The following TATDN2 variants were observed in gnomAD, a reference collection of about 807,000 sequenced individuals.
TATDN2 encodes the protein 3'-5' RNA nuclease TATDN2.
Under a neutral mutation model 60.3 loss-of-function variants are expected in TATDN2, and 44 were observed. The observed-to-expected ratio is 0.73, with a 90% CI of 0.57 to 0.94. The LOEUF (loss-of-function observed/expected upper bound fraction) is 0.94, where lower values mean the gene tolerates loss of function less well. Among genes scored for constraint, TATDN2 ranks in the 40% least tolerant of loss-of-function variants. TATDN2 has a pLI of 0.00. For missense variants in TATDN2, 997 were observed against 948.0 expected, an observed-to-expected ratio of 1.05 and a Z score of -0.68; for synonymous variants, 399 against 355.8, an observed-to-expected ratio of 1.12 and a Z score of -1.37.
Position 10,270,505 on chromosome 3 carries a change from G to T in TATDN2, c.1323G>T (p.Trp441Cys). 6.2e-7 allele frequency: 1 copy of T among 1,614,212 alleles called. No individual in the cohort carries two copies. Among genetic ancestry groups the T allele is most frequent in the Non-Finnish European group, 8.5e-7 (1 of 1,180,028 alleles). The change falls in exon 4 of 8, where the codon TGG (tryptophan) becomes TGT (cysteine). Residue 441 changes from tryptophan to cysteine, a missense_variant. By Grantham distance (215) the Trp-to-Cys change is radical (BLOSUM62 -2). Coordinates refer to ENST00000448281, the MANE Select transcript of TATDN2 (RefSeq NM_014760.4). ...SRDMEASEEGWSQNSRSFRFS... is the reference protein window; with the variant it reads ...SRDMEASEEGCSQNSRSFRFS... ...ACATGGAGGCCTCAGAGGAAGGCTG[G>T]TCCCAGAATTCTCGTTCATTTCGCT...
chr3:10,248,972 C>T lies in TATDN2; in HGVS notation c.-102C>T. 2.2e-6 allele frequency: 1 copy of T among 446,270 alleles called. No individual in the cohort carries two copies. Among genetic ancestry groups the T allele is most frequent in the Non-Finnish European group, 3.7e-6 (1 of 266,710 alleles). 27.6% of individuals were successfully genotyped at this position (446,270 alleles called of 1,614,324 possible). ...TGTGGGCTTGGAAACCGACGGCAGC[C>T]TTTAGTCAATTTTGGATCGCTTTGA... is the stretch of plus-strand genomic sequence containing the variant. On this transcript the variant is annotated 5_prime_UTR_variant, in exon 1 of 8. Coordinates refer to ENST00000448281, the MANE Select transcript of TATDN2 (RefSeq NM_014760.4).
At chr3:10,262,042 CATT>C (rs1698414132) in intron 3 of TATDN2, among the ~76,000 whole-genome samples, 1 of 152,230 alleles carries the variant, frequency 6.6e-6, no homozygotes, top group African/African-American at 2.4e-5. Flanking sequence ...TAAAGTTCAT[CATT>C]ACTTTGTTTT....
At chr3:10,276,835 C>A (rs1698645170) in intron 5 of TATDN2, among the ~76,000 whole-genome samples, 1 of 152,198 alleles carries the variant, frequency 6.6e-6, no homozygotes, top group South Asian at 2.1e-4. Context: ...GATCTGCCTG[C>A]CTCGGCCTCC....
intron 2 of TATDN2, among the ~76,000 whole-genome samples, chr3:10,254,279 G>A (rs756641414): frequency 1.1e-4 from 17 of 152,302 alleles, no homozygotes; most frequent in Middle Eastern, 3.4e-3. Flanking sequence ...GGGAATGAGC[G>A]ACTGACCATC....
chr3:10,260,866 CT>C (rs35507180), intron 3 of TATDN2, among the ~76,000 whole-genome samples, 196 bp downstream of exon 3: 63,845 of 145,734 alleles, frequency 0.44, 14,518 homozygotes, highest in East Asian at 0.95. Context: ...AAACTAAGTG[CT>C]TTTTTTTTTT....
Position 10,270,160 on chromosome 3 carries a change from C to T in TATDN2, c.978C>T (p.His326=). 1 of 1,613,678 alleles carries T rather than the reference C, an allele frequency of 6.2e-7. No homozygotes were observed. Residue 326 remains histidine (H), a synonymous_variant, in exon 4 of 8, where the codon CAC becomes CAT. Transcript: ENST00000448281. The part of the protein sequence containing the change: ...KHKDREVVME[H]PSSGSDWSDV... Reference sequence around the variant, plus strand: ...AAGATAGGGAGGTGGTGATGGAGCACCCCTCTTCTGGAAGTGACTGGTCTG... The same window carrying T: ...AAGATAGGGAGGTGGTGATGGAGCATCCCTCTTCTGGAAGTGACTGGTCTG...
chr3:10,276,670 C>A (rs1187328463), intron 5 of TATDN2, among the ~76,000 whole-genome samples, 182 bp downstream of exon 5: 1 of 151,920 alleles, frequency 6.6e-6, no homozygotes, highest in Non-Finnish European at 1.5e-5. Context: ...CTCACTGCAA[C>A]CTCTGCCTCC....
At chr3:10,252,147 C>CAAA (rs35469402) in intron 2 of TATDN2, among the ~76,000 whole-genome samples, 97 of 63,060 alleles carry the variant, frequency 1.5e-3, no homozygotes, top group African/African-American at 3.5e-3. Context: ...GACTCAGTCT[C>CAAA]AAAAAAAAAA....
At position 10,278,849 on chromosome 3, in the gene TATDN2, G is replaced by A; in HGVS notation, c.2146-36G>A. 1 of 1,613,782 alleles carries A rather than the reference G, an allele frequency of 6.2e-7. No homozygotes were observed. The highest frequency in any genetic ancestry group is 1.1e-5 in the South Asian group (1 of 91,056). ...TTCTAGATTATGACTGTGCACACATGGCACAATGATGTTATGACCACTTGA... is the reference window on the plus strand; with the variant it reads ...TTCTAGATTATGACTGTGCACACATAGCACAATGATGTTATGACCACTTGA... On this transcript the variant is annotated intron_variant, in intron 6 of 7. Transcript: ENST00000448281. This position sits in a 1 kb window ranked among gnomAD's most constrained non-coding sequence, Gnocchi z 4.7.
chr3:10,264,388 G>A (rs1445176871), intron 3 of TATDN2, among the ~76,000 whole-genome samples: 1 of 152,126 alleles, frequency 6.6e-6, no homozygotes, highest in Admixed American at 6.5e-5. Flanking sequence ...TGTTCTTCCT[G>A]TTCTGGTGTT....
intron 4 of TATDN2, among the ~76,000 whole-genome samples, chr3:10,273,613 G>C (rs953948763): frequency 3.3e-5 from 5 of 150,496 alleles, no homozygotes; most frequent in South Asian, 4.2e-4. Flanking sequence ...AAAAAAAAGA[G>C]CCTGTGGAAG....
intron 5 of TATDN2, 112 bp downstream of exon 5, chr3:10,276,600 T>G: frequency 7.0e-7 from 1 of 1,429,290 alleles, no homozygotes; most frequent in African/African-American, 1.5e-5. Context: ...TCTTTTTTTT[T>G]TTTTTCGAGA....
In TATDN2 at chr3:10,278,616, C is replaced by A; in HGVS notation, c.2145+154C>A. ...CCTCCTTGCTGTTACTCTGCAGAAC[C>A]AAAAGTCTAGGGGGCTGAGAAGCTG... On this transcript the variant is annotated intron_variant, in intron 6 of 7. Transcript: ENST00000448281. The surrounding 1 kb of genome is among the most constrained non-coding windows in gnomAD (Gnocchi z 4.7). The A allele has an allele frequency of 8.8e-7, 1 of 1,132,300 alleles. No individual in the cohort carries two copies. The highest frequency in any genetic ancestry group is 1.3e-6 in the Non-Finnish European group (1 of 764,236). 70.1% of individuals were successfully genotyped at this position (1,132,300 alleles called of 1,614,324 possible).
chr3:10,277,304 G>T (rs770278228), intron 5 of TATDN2, among the ~76,000 whole-genome samples: 2 of 152,188 alleles, frequency 1.3e-5, no homozygotes, highest in Admixed American at 6.5e-5. Flanking sequence ...CTCTTGCCAC[G>T]TGTAGGTCCT....
chr3:10,270,949 G>A lies in TATDN2; in HGVS notation c.1767G>A (p.Val589=), dbSNP rs115984909. The change falls in exon 4 of 8, where the codon GTG becomes GTA. Residue 589 remains valine, a synonymous_variant. Transcript: ENST00000448281. ...LLQALRHPKA[V]AFGEMGLDYS... ...AAGCCTTAAGGCACCCTAAGGCTGTGGCATTTGGAGAAATGGGCTTGGATT... is the reference window on the plus strand; with the variant it reads ...AAGCCTTAAGGCACCCTAAGGCTGTAGCATTTGGAGAAATGGGCTTGGATT... The A allele has an allele frequency of 3.4e-3, 5,437 of 1,613,458 alleles. 13 individuals carry two copies. Among genetic ancestry groups the A allele is most frequent in the Non-Finnish European group, 3.9e-3 (4,559 of 1,179,734 alleles).
At chr3:10,257,597 CAAAAAAAAAAAAAACAAA>C (rs1478442434) in intron 2 of TATDN2, among the ~76,000 whole-genome samples, 1 of 69,196 alleles carries the variant, frequency 1.4e-5, no homozygotes, top group East Asian at 2.5e-4. Flanking sequence ...CCACTGTCTC[CAAAAAAAAAAAAAACAAA>C]AAAAAAAAAC....
intron 2 of TATDN2, among the ~76,000 whole-genome samples, chr3:10,251,026 G>A (rs1404150340): frequency 6.6e-6 from 1 of 152,184 alleles, no homozygotes; most frequent in Non-Finnish European, 1.5e-5. Context: ...AGGTTTGAGG[G>A]TGTGGTCTCT....
chr3:10,278,246 G>C lies in TATDN2; in HGVS notation c.1962-33G>C. On this transcript the variant is annotated intron_variant, in intron 5 of 7. Transcript: ENST00000448281. The surrounding 1 kb of genome is among the most constrained non-coding windows in gnomAD (Gnocchi z 4.7). ...GCTGGGGGCTGCTGCAGAGGGGACT[G>C]TGAGCAGCCCTGATGTGGAGTTCTG... 6.3e-7 allele frequency: 1 copy of C among 1,598,812 alleles called. No homozygotes were observed. Among genetic ancestry groups the C allele is most frequent in the South Asian group, 1.1e-5 (1 of 89,764 alleles).
At position 10,260,435 on chromosome 3, in the gene TATDN2, C is replaced by G; in HGVS notation, c.713C>G (p.Ala238Gly). 1 of 1,614,144 alleles carries G rather than the reference C, an allele frequency of 6.2e-7. No individual in the cohort carries two copies. Residue 238 changes from alanine to glycine, a missense_variant, in exon 3 of 8, where the codon GCC (alanine) becomes GGC (glycine). By Grantham distance (60) the Ala-to-Gly change is moderately conservative (BLOSUM62 0). Transcript: ENST00000448281. ...EGPAKTAEGA[A>G]RSVTVTAAQK... The stretch of plus-strand genomic sequence containing the variant: ...CCAGCCAAGACTGCAGAAGGAGCAG[C>G]CAGGAGTGTCACAGTCACTGCTGCT...
Sources: gnomAD v4.1 joint callset for allele counts (sites outside exome capture counted in the v4.1 genomes callset) on GRCh38, gnomAD v4.1.1 for gene constraint, Gnocchi (gnomAD v3.1) non-coding constraint, MANE v1.5 for transcripts, NCBI Gene and HGNC (gene_info 2026-07-23, HGNC 2026-07-21) for gene names.